The following CNTN5 variants were observed in gnomAD, a reference collection of about 807,000 sequenced individuals.
CNTN5 encodes contactin 5, also known as contactin-5.
In CNTN5, 77 loss-of-function variants were observed where a neutral mutation model predicts 129.1. That is an observed-to-expected ratio of 0.60 (90% CI 0.50 to 0.72). CNTN5 has a LOEUF of 0.72. Among genes scored for constraint, CNTN5 ranks in the 30% least tolerant of loss-of-function variants. The probability of loss-of-function intolerance (pLI) is 0.00; values close to 1 mark genes in which losing one functional copy is unlikely to be tolerated. For missense variants in CNTN5, 1,478 were observed against 1,328.8 expected (o/e 1.11, Z -1.75); for synonymous variants, 509 against 465.6 (o/e 1.09, Z -1.20).
chr11:99,717,023 C>T (rs1371429116), intron 3 of CNTN5, among the ~76,000 whole-genome samples: 1 of 151,982 alleles, frequency 6.6e-6, no homozygotes, highest in Admixed American at 6.6e-5. Flanking sequence ...GGTGAAATTA[C>T]AATTGGGCAT....
At chr11:99,080,538 G>A (rs983270219) in intron 1 of CNTN5, among the ~76,000 whole-genome samples, 1 of 152,082 alleles carries the variant, frequency 6.6e-6, no homozygotes, top group Non-Finnish European at 1.5e-5. Flanking sequence ...GAAGAGAAGG[G>A]GCAGATTCCC....
Position 99,345,668 on chromosome 11 carries a change from A to G in CNTN5, c.-71+20184A>G, listed in dbSNP as rs538802195. 1.4e-4 allele frequency among the ~76,000 whole-genome samples: 21 copies of G among 152,324 alleles called. No individual in the cohort carries two copies. In the South Asian group the frequency reaches 4.4e-3, roughly 32 times the overall value. Reference sequence around the variant, plus strand: ...TAATACCTGTGTTTTCCATCTGAGAAGATATGTTAAGAATGATATGCTTGG... The same window carrying G: ...TAATACCTGTGTTTTCCATCTGAGAGGATATGTTAAGAATGATATGCTTGG... On this transcript the variant is annotated intron_variant, in intron 2 of 24. Transcript: ENST00000524871.
At chr11:99,145,348 G>A (rs984505552) in intron 1 of CNTN5, among the ~76,000 whole-genome samples, 13 of 149,058 alleles carry the variant, frequency 8.7e-5, no homozygotes, top group Non-Finnish European at 1.8e-4. Context: ...GGGATTACAG[G>A]TGTGAGCTAC....
intron 2 of CNTN5, among the ~76,000 whole-genome samples, chr11:99,524,499 CGT>C (rs2135449818): frequency 6.6e-6 from 1 of 152,074 alleles, no homozygotes; most frequent in South Asian, 2.1e-4. Context: ...TGAAATAATA[CGT>C]GTGTCAATGA....
intron 2 of CNTN5, among the ~76,000 whole-genome samples, chr11:99,373,112 G>A (rs1939931813): frequency 6.6e-6 from 1 of 152,078 alleles, no homozygotes; most frequent in Non-Finnish European, 1.5e-5. Flanking sequence ...AGGAGGGTGA[G>A]GCAGGAGAAC....
chr11:99,972,369 A>T (rs1453991789), intron 8 of CNTN5, among the ~76,000 whole-genome samples: 1 of 151,998 alleles, frequency 6.6e-6, no homozygotes, highest in African/African-American at 2.4e-5. Flanking sequence ...GCCTTTTTTC[A>T]CTCCAGAATT....
intron 2 of CNTN5, among the ~76,000 whole-genome samples, chr11:99,346,666 T>G (rs1056625088): frequency 5.3e-5 from 8 of 152,346 alleles, no homozygotes; most frequent in Middle Eastern, 6.8e-3. Context: ...ATTCTTATGT[T>G]AACGCCCTTA....
intron 2 of CNTN5, among the ~76,000 whole-genome samples, chr11:99,403,437 A>T (rs990145672): frequency 2.6e-5 from 4 of 151,954 alleles, no homozygotes; most frequent in Admixed American, 1.3e-4. Flanking sequence ...ATACTTTAAG[A>T]TGCATTGGGA....
intron 1 of CNTN5, among the ~76,000 whole-genome samples, chr11:99,207,651 G>A (rs1859551161): frequency 6.6e-6 from 1 of 152,024 alleles, no homozygotes; most frequent in Non-Finnish European, 1.5e-5. Context: ...CGAATACTCT[G>A]AAGTGTTTAA....
chr11:100,272,604 C>A (rs1950426764), intron 18 of CNTN5, among the ~76,000 whole-genome samples: 1 of 151,944 alleles, frequency 6.6e-6, no homozygotes, highest in Admixed American at 6.6e-5. Flanking sequence ...ACTGAGGGAC[C>A]CAGAGGACTA....
intron 2 of CNTN5, among the ~76,000 whole-genome samples, chr11:99,432,067 T>C (rs896447161): frequency 1.5e-4 from 23 of 152,200 alleles, no homozygotes; most frequent in African/African-American, 5.3e-4. Context: ...GGAGATATTC[T>C]AGCTCTTAAT....
At position 99,122,407 on chromosome 11, in the gene CNTN5, A is replaced by C. The variant is rs942271772; in HGVS notation, c.-210+101137A>C. On this transcript the variant is annotated intron_variant, in intron 1 of 24. Transcript: ENST00000524871. ...CTTAAAAATATTAAAATAGATGAAAATAAGTGATGTATAGAAACATATTTT... is the reference window on the plus strand; with the variant it reads ...CTTAAAAATATTAAAATAGATGAAACTAAGTGATGTATAGAAACATATTTT... Among the ~76,000 whole-genome samples, 5 of 152,300 alleles carry C rather than the reference A, an allele frequency of 3.3e-5. No homozygotes were observed. In the South Asian group the frequency reaches 1.0e-3, roughly 32 times the overall value.
intron 1 of CNTN5, among the ~76,000 whole-genome samples, chr11:99,193,771 G>C (rs961153851): frequency 6.6e-6 from 1 of 152,098 alleles, no homozygotes; most frequent in African/African-American, 2.4e-5. Flanking sequence ...AGCCATTTCA[G>C]GGGAATTACA....
intron 1 of CNTN5, among the ~76,000 whole-genome samples, chr11:99,293,806 C>G (rs190465572): frequency 1.4e-3 from 211 of 151,796 alleles, no homozygotes; most frequent in Non-Finnish European, 2.5e-3. Flanking sequence ...GGTCTTCTTC[C>G]TTTTTGTCTT....
At chr11:99,827,078 T>C (rs144872226) in intron 4 of CNTN5, among the ~76,000 whole-genome samples, 13 of 152,174 alleles carry the variant, frequency 8.5e-5, no homozygotes, top group African/African-American at 3.1e-4. Flanking sequence ...TGCTTTTTGT[T>C]TTGTTTTGTT....
chr11:99,226,657 A>G (rs1860700862), intron 1 of CNTN5, among the ~76,000 whole-genome samples: 1 of 151,966 alleles, frequency 6.6e-6, no homozygotes, highest in Non-Finnish European at 1.5e-5. Flanking sequence ...AGAAAAATCT[A>G]CCTTGTGACT....
chr11:99,976,935 G>A (rs77783971), intron 8 of CNTN5, among the ~76,000 whole-genome samples: 12 of 152,134 alleles, frequency 7.9e-5, no homozygotes, highest in South Asian at 2.1e-4. Context: ...TTTTCCAAGC[G>A]TTTATTTTCT....
chr11:99,658,488 C>G (rs937826953), intron 3 of CNTN5, among the ~76,000 whole-genome samples: 2 of 152,060 alleles, frequency 1.3e-5, no homozygotes, highest in African/African-American at 4.8e-5. Context: ...GCTCTCCAAT[C>G]TACAGAGTAT....
intron 2 of CNTN5, among the ~76,000 whole-genome samples, chr11:99,464,139 A>C (rs913121387): frequency 3.3e-5 from 5 of 152,232 alleles, no homozygotes; most frequent in Admixed American, 6.5e-5. Context: ...CTTATCCAGC[A>C]TAAGTGTGCT....
Sources: gnomAD v4.1 joint callset for allele counts (sites outside exome capture counted in the v4.1 genomes callset) on GRCh38, gnomAD v4.1.1 for gene constraint, MANE v1.5 for transcripts, NCBI Gene and HGNC (gene_info 2026-07-23, HGNC 2026-07-21) for gene names.